SLX9: variants seen among roughly 807,000 people sequenced by gnomAD.
SLX9 encodes SLX9 ribosome biogenesis factor, also known as ribosome biogenesis protein SLX9 homolog.
Under a neutral mutation model 20.8 loss-of-function variants are expected in SLX9, and 19 were observed. That is an observed-to-expected ratio of 0.91 (90% CI 0.64 to 1.34). The LOEUF (loss-of-function observed/expected upper bound fraction) is 1.34. Ranked by LOEUF, SLX9 falls within the 40% of genes most tolerant of loss-of-function variation. The pLI, the probability that SLX9 is intolerant of heterozygous loss-of-function variation, is 0.00. For synonymous variants in SLX9, 113 were observed against 137.1 expected (o/e 0.82, Z 1.23); for missense variants, 299 against 322.2 (o/e 0.93, Z 0.55).
chr21:44,940,458 G>C (rs2084521919), intron 1 of SLX9, among the ~76,000 whole-genome samples: 3 of 152,240 alleles, frequency 2.0e-5, no homozygotes, highest in African/African-American at 7.2e-5. Flanking sequence ...GTTGCCACGC[G>C]GACCCCAGAG....
chr21:44,964,748 A>G (rs1475256500), intron 3 of SLX9, among the ~76,000 whole-genome samples: 1 of 152,222 alleles, frequency 6.6e-6, no homozygotes, highest in Non-Finnish European at 1.5e-5. Context: ...ACTCGATATT[A>G]TGAAACATTT....
chr21:44,957,028 G>A (rs1289339965), intron 2 of SLX9, among the ~76,000 whole-genome samples: 1 of 152,242 alleles, frequency 6.6e-6, no homozygotes, highest in Non-Finnish European at 1.5e-5. Flanking sequence ...CCTGGCTCCT[G>A]CGCGGCAGCG....
intron 4 of SLX9, among the ~76,000 whole-genome samples, chr21:44,970,552 G>A (rs1362642325): frequency 6.6e-6 from 1 of 152,196 alleles, no homozygotes; most frequent in Non-Finnish European, 1.5e-5. Context: ...GGCTCGGTGC[G>A]CCTGTCCCAG....
At chr21:44,966,718 G>A (rs974998458) in intron 3 of SLX9, among the ~76,000 whole-genome samples, 2 of 152,190 alleles carry the variant, frequency 1.3e-5, no homozygotes, top group African/African-American at 4.8e-5. Flanking sequence ...CCCTCTGCTC[G>A]GTGGCTGTGT....
chr21:44,950,236 CAAA>C (rs573708011), intron 2 of SLX9, among the ~76,000 whole-genome samples: 1 of 144,392 alleles, frequency 6.9e-6, no homozygotes, highest in Non-Finnish European at 1.5e-5. Flanking sequence ...TCCAGTATCT[CAAA>C]AAAAAAAAAT....
intron 1 of SLX9, among the ~76,000 whole-genome samples, chr21:44,941,162 T>G (rs904807022): frequency 6.6e-6 from 1 of 152,224 alleles, no homozygotes; most frequent in Non-Finnish European, 1.5e-5. Flanking sequence ...GTTTAGTTCT[T>G]TAGACACGGT....
intron 2 of SLX9, among the ~76,000 whole-genome samples, chr21:44,950,304 C>T (rs979544900): frequency 6.6e-6 from 1 of 150,742 alleles, no homozygotes. Flanking sequence ...GACAGGAAAC[C>T]ATGCAGAATG....
At chr21:44,967,827 A>G (rs1345802174) in intron 4 of SLX9, among the ~76,000 whole-genome samples, 1 of 152,154 alleles carries the variant, frequency 6.6e-6, no homozygotes, top group Non-Finnish European at 1.5e-5. Context: ...CGTCCTCCCC[A>G]GGAGGGACGG....
At chr21:44,944,050 A>C (rs989788019) in intron 2 of SLX9, among the ~76,000 whole-genome samples, 1 of 152,218 alleles carries the variant, frequency 6.6e-6, no homozygotes, top group Non-Finnish European at 1.5e-5. Context: ...GCAGCTCTGC[A>C]AGAACTGCTC....
chr21:44,948,468 A>T (rs1445471249), intron 2 of SLX9, among the ~76,000 whole-genome samples: 2 of 152,204 alleles, frequency 1.3e-5, no homozygotes, highest in Non-Finnish European at 1.5e-5. Flanking sequence ...TTGGATTTCT[A>T]GTTCTGTGTT....
At chr21:44,949,542 A>G (rs865776709) in intron 2 of SLX9, among the ~76,000 whole-genome samples, 8 of 152,194 alleles carry the variant, frequency 5.3e-5, no homozygotes, top group African/African-American at 1.9e-4. Context: ...AGAGCGCACC[A>G]TGGAGCCAGG....
At chr21:44,962,309 A>G (rs2084959986) in intron 3 of SLX9, among the ~76,000 whole-genome samples, 1 of 151,664 alleles carries the variant, frequency 6.6e-6, no homozygotes. Context: ...ACAGTCACGC[A>G]CCCCCCCAGT....
intron 2 of SLX9, among the ~76,000 whole-genome samples, chr21:44,957,824 T>C (rs766658664): frequency 9.8e-5 from 15 of 152,324 alleles, no homozygotes; most frequent in Admixed American, 2.6e-4. Context: ...TTCAGTTTAA[T>C]GGGGACTTGC....
At chr21:44,948,005 C>T (rs541345405) in intron 2 of SLX9, among the ~76,000 whole-genome samples, 2 of 152,206 alleles carry the variant, frequency 1.3e-5, no homozygotes, top group South Asian at 2.1e-4. Flanking sequence ...CCTCCCCCAA[C>T]GCAGTGCCAC....
At chr21:44,949,224 T>A (rs2084706587) in intron 2 of SLX9, among the ~76,000 whole-genome samples, 1 of 152,186 alleles carries the variant, frequency 6.6e-6, no homozygotes, top group Admixed American at 6.5e-5. Flanking sequence ...GCTGGCTCTG[T>A]GGAGCATGCA....
At chr21:44,967,678 C>T (rs904670889) in intron 4 of SLX9, among the ~76,000 whole-genome samples, 2 of 152,208 alleles carry the variant, frequency 1.3e-5, no homozygotes, top group African/African-American at 4.8e-5. Context: ...TCCTGCCCCT[C>T]ACTCTGTCGC....
At chr21:44,955,350 C>T (rs1004521319) in intron 2 of SLX9, among the ~76,000 whole-genome samples, 3 of 152,260 alleles carry the variant, frequency 2.0e-5, no homozygotes, top group African/African-American at 7.2e-5. Flanking sequence ...CCCTCACATG[C>T]TCGCCCACCA....
intron 5 of SLX9, among the ~76,000 whole-genome samples, chr21:44,974,873 G>T (rs1033402214): frequency 3.3e-5 from 5 of 152,226 alleles, no homozygotes; most frequent in African/African-American, 1.2e-4. Context: ...TGCACAGCCT[G>T]GTCCGGGGAG....
chr21:44,939,944 T>G, upstream of SLX9: 5 of 1,176,504 alleles, frequency 4.2e-6, no homozygotes, highest in Non-Finnish European at 5.6e-6. Flanking sequence ...TTCCGGGTAC[T>G]TCCGGCGGCC....
Sources: allele counts gnomAD v4.1 joint callset (sites outside exome capture counted in the v4.1 genomes callset), GRCh38; gene constraint gnomAD v4.1.1; transcripts MANE v1.5; gene names NCBI Gene and HGNC (gene_info 2026-07-23, HGNC 2026-07-21).